NRF1: variants seen among roughly 807,000 people sequenced by gnomAD.
The protein encoded by NRF1 is nuclear respiratory factor 1.
A neutral mutation model predicts 58.5 loss-of-function variants in NRF1; 5 were observed. The ratio of observed to expected loss-of-function variants is 0.09; its 90% CI spans 0.04 to 0.18. The LOEUF is 0.18. Ranked by LOEUF, NRF1 falls within the 10% of genes least tolerant of loss-of-function variation. The pLI is 1.00. For missense variants in NRF1, 288 were observed against 657.7 expected, an observed-to-expected ratio of 0.44 and a Z score of 6.15; for synonymous variants, 224 against 246.7, an observed-to-expected ratio of 0.91 and a Z score of 0.86.
intron 1 of NRF1, among the ~76,000 whole-genome samples, chr7:129,614,850 TC>T (rs1398450180): frequency 1.3e-5 from 2 of 152,184 alleles, no homozygotes; most frequent in Non-Finnish European, 2.9e-5. Flanking sequence ...AAGGCCAACT[TC>T]CCATGATTTA....
chr7:129,630,963 T>C (rs912513092), intron 1 of NRF1, among the ~76,000 whole-genome samples: 4 of 152,330 alleles, frequency 2.6e-5, no homozygotes, highest in Admixed American at 6.5e-5. Context: ...AAATTGATTT[T>C]AAATCAGTAT....
intron 2 of NRF1, among the ~76,000 whole-genome samples, chr7:129,662,935 G>A (rs988805624): frequency 1.3e-5 from 2 of 152,168 alleles, no homozygotes; most frequent in African/African-American, 4.8e-5. Context: ...CTGGGTACTT[G>A]AGATTAGGGA....
chr7:129,671,820 A>C (rs868197936), intron 3 of NRF1, among the ~76,000 whole-genome samples: 7 of 152,226 alleles, frequency 4.6e-5, no homozygotes, highest in Admixed American at 6.5e-5. Context: ...TGAACAAAAC[A>C]AATTGCCTTA....
chr7:129,658,056 G>A (rs538508352), intron 2 of NRF1, among the ~76,000 whole-genome samples: 4 of 152,162 alleles, frequency 2.6e-5, no homozygotes, highest in East Asian at 1.9e-4. Context: ...TTAAACTGAA[G>A]CATTTATTCC....
chr7:129,707,436 A>G (rs1260202776), intron 5 of NRF1, among the ~76,000 whole-genome samples: 2 of 152,250 alleles, frequency 1.3e-5, no homozygotes, highest in African/African-American at 2.4e-5. Flanking sequence ...GAAAGTCTAT[A>G]TCAATTTAAT....
intron 10 of NRF1, among the ~76,000 whole-genome samples, chr7:129,751,643 T>C (rs969300615): frequency 1.3e-5 from 2 of 151,502 alleles, no homozygotes; most frequent in Non-Finnish European, 2.9e-5. Flanking sequence ...CCCTGCACAC[T>C]GTAGTCACTG....
chr7:129,711,909 A>C (rs1180620546), intron 8 of NRF1, among the ~76,000 whole-genome samples: 3 of 152,220 alleles, frequency 2.0e-5, no homozygotes, highest in Non-Finnish European at 4.4e-5. Flanking sequence ...TATGAAAAAA[A>C]AATGTCACAT....
At chr7:129,612,148 C>A (rs1800545971) in intron 1 of NRF1, among the ~76,000 whole-genome samples, 1 of 150,704 alleles carries the variant, frequency 6.6e-6, no homozygotes, top group Non-Finnish European at 1.5e-5. Flanking sequence ...TTCTCCCCGC[C>A]GTGGAACCCG....
At chr7:129,639,047 A>C (rs1404816555) in intron 1 of NRF1, among the ~76,000 whole-genome samples, 1 of 152,186 alleles carries the variant, frequency 6.6e-6, no homozygotes, top group East Asian at 1.9e-4. Flanking sequence ...TCAATGAATT[A>C]ACTCACAAAG....
At chr7:129,687,966 AC>A (rs1053765013) in intron 4 of NRF1, among the ~76,000 whole-genome samples, 12 of 152,234 alleles carry the variant, frequency 7.9e-5, no homozygotes, top group African/African-American at 2.9e-4. Context: ...GCACTAAAAA[AC>A]AAACAAACAA....
At chr7:129,699,418 T>C (rs1379596053) in intron 5 of NRF1, among the ~76,000 whole-genome samples, 1 of 151,940 alleles carries the variant, frequency 6.6e-6, no homozygotes, top group African/African-American at 2.4e-5. Flanking sequence ...ATGATAAAGA[T>C]AGAAAATAGA....
intron 10 of NRF1, among the ~76,000 whole-genome samples, chr7:129,743,009 C>G (rs1029571402): frequency 6.6e-6 from 1 of 152,024 alleles, no homozygotes; most frequent in Non-Finnish European, 1.5e-5. Context: ...CTTAAGGAAG[C>G]CTGGGAGTTT....
chr7:129,647,227 C>T (rs1801427827), intron 1 of NRF1, among the ~76,000 whole-genome samples: 1 of 151,834 alleles, frequency 6.6e-6, no homozygotes, highest in South Asian at 2.1e-4. Flanking sequence ...TTAGTAGAGA[C>T]GGGGTTTTAC....
At chr7:129,645,974 C>T (rs552342165) in intron 1 of NRF1, among the ~76,000 whole-genome samples, 4 of 152,220 alleles carry the variant, frequency 2.6e-5, no homozygotes, top group South Asian at 2.1e-4. Flanking sequence ...CTCAGCCTCC[C>T]GAGCAGCTGG....
At chr7:129,705,596 G>A (rs1379943945) in intron 5 of NRF1, among the ~76,000 whole-genome samples, 1 of 152,060 alleles carries the variant, frequency 6.6e-6, no homozygotes, top group Non-Finnish European at 1.5e-5. Context: ...CGGCCCTTGT[G>A]TTCTTTTTGG....
chr7:129,682,785 G>A (rs1161633760), intron 4 of NRF1, among the ~76,000 whole-genome samples: 1 of 152,100 alleles, frequency 6.6e-6, no homozygotes, highest in Admixed American at 6.6e-5. Flanking sequence ...CTGGGTGACA[G>A]AGTGAGACAA....
At chr7:129,723,929 T>C (rs4728176) in intron 9 of NRF1, among the ~76,000 whole-genome samples, 6,482 of 152,296 alleles carry the variant, frequency 0.043, 167 homozygotes, top group Middle Eastern at 0.12. Context: ...AAAAATTAAC[T>C]CAGAGTGGTT....
chr7:129,613,760 G>T (rs986255765), intron 1 of NRF1, among the ~76,000 whole-genome samples: 1 of 150,458 alleles, frequency 6.6e-6, no homozygotes, highest in Non-Finnish European at 1.5e-5. Context: ...TTAGCTGGGC[G>T]TGGTGGCAGG....
At chr7:129,629,296 G>C (rs1271772152) in intron 1 of NRF1, among the ~76,000 whole-genome samples, 1 of 130,262 alleles carries the variant, frequency 7.7e-6, no homozygotes, top group Admixed American at 8.4e-5. Flanking sequence ...TTTTTTTCCT[G>C]AGATGGAGTC....
Sources: allele counts gnomAD v4.1 joint callset (sites outside exome capture counted in the v4.1 genomes callset), GRCh38; gene constraint gnomAD v4.1.1; transcripts MANE v1.5; gene names NCBI Gene and HGNC (gene_info 2026-07-23, HGNC 2026-07-21).